The following DLGAP2 variants were observed in gnomAD, a reference collection of about 807,000 sequenced individuals.
DLGAP2 encodes the protein disks large-associated protein 2.
In DLGAP2, 26 loss-of-function variants were observed where a neutral mutation model predicts 100.3. The observed-to-expected ratio is 0.26, with a 90% CI of 0.19 to 0.36. The LOEUF (loss-of-function observed/expected upper bound fraction) is 0.36. Among genes scored for constraint, DLGAP2 ranks in the 10% least tolerant of loss-of-function variants. The pLI, the probability that DLGAP2 is intolerant of heterozygous loss-of-function variation, is 1.00. For missense variants in DLGAP2, 1,858 were observed against 1,453.2 expected (o/e 1.28, Z -4.53); for synonymous variants, 886 against 630.1 (o/e 1.41, Z -6.08).
intron 2 of DLGAP2, among the ~76,000 whole-genome samples, chr8:1,165,861 A>G (rs1797004705): frequency 6.6e-6 from 1 of 152,132 alleles, no homozygotes; most frequent in Non-Finnish European, 1.5e-5. Flanking sequence ...TTTAAGGGAA[A>G]AAAAAAACAT....
intron 12 of DLGAP2, among the ~76,000 whole-genome samples, chr8:1,691,068 T>TC (rs1193008950): frequency 6.6e-6 from 1 of 152,114 alleles, no homozygotes; most frequent in Admixed American, 6.6e-5. Flanking sequence ...TTTAATTGAA[T>TC]CCAATGAGAG....
chr8:1,560,427 T>C (rs1802118898), intron 5 of DLGAP2, among the ~76,000 whole-genome samples: 1 of 152,202 alleles, frequency 6.6e-6, no homozygotes, highest in African/African-American at 2.4e-5. Context: ...CTGGGTAGTA[T>C]CCATCCTGTG....
At chr8:1,623,502 T>C (rs1367152468) in intron 6 of DLGAP2, among the ~76,000 whole-genome samples, 9 of 151,462 alleles carry the variant, frequency 5.9e-5, no homozygotes, top group African/African-American at 1.9e-4. Flanking sequence ...CTGGCACCAG[T>C]GCGTGATGAC....
chr8:1,279,343 C>G (rs1377256292), intron 3 of DLGAP2, among the ~76,000 whole-genome samples: 1 of 152,174 alleles, frequency 6.6e-6, no homozygotes, highest in Admixed American at 6.5e-5. Flanking sequence ...ATGAATGAAG[C>G]TCTGTTTGGC....
Position 1,207,711 on chromosome 8 carries a change from A to G in DLGAP2, c.74-51140A>G, listed in dbSNP as rs577077410. On this transcript the variant is annotated intron_variant, in intron 2 of 14. Transcript: ENST00000637795. Reference sequence around the variant, plus strand: ...AGTGTAGAAGTGTTCCCTGTTTACCACATTCATGCCAACATCTATTTTTTT... The same window carrying G: ...AGTGTAGAAGTGTTCCCTGTTTACCGCATTCATGCCAACATCTATTTTTTT... Among the ~76,000 whole-genome samples, 10 of 152,276 alleles carry G rather than the reference A, an allele frequency of 6.6e-5. No homozygotes were observed. In the South Asian group the frequency reaches 1.7e-3, roughly 25 times the overall value.
intron 2 of DLGAP2, among the ~76,000 whole-genome samples, chr8:1,205,853 C>T (rs7009433): frequency 0.57 from 86,002 of 151,966 alleles, 26,704 homozygotes; most frequent in African/African-American, 0.83. Flanking sequence ...GATATTTTTC[C>T]CTTCAAAAAT....
At chr8:1,164,326 A>AGGGCCCGTCATTTTGCTTTGTGGG (rs1563224499) in intron 2 of DLGAP2, among the ~76,000 whole-genome samples, 1 of 78,128 alleles carries the variant, frequency 1.3e-5, no homozygotes. Context: ...TTGTGGGGAC[A>AGGGCCCGTCATTTTGCTTTGTGGG]GATTTTTCTG....
chr8:1,049,893 T>C (rs537948042), intron 2 of DLGAP2, among the ~76,000 whole-genome samples: 1 of 152,196 alleles, frequency 6.6e-6, no homozygotes, highest in Non-Finnish European at 1.5e-5. Flanking sequence ...TACATATGTG[T>C]ACACACATGT....
At chr8:889,897 A>G (rs762954439) in intron 1 of DLGAP2, among the ~76,000 whole-genome samples, 8 of 152,204 alleles carry the variant, frequency 5.3e-5, no homozygotes, top group Non-Finnish European at 7.3e-5. Flanking sequence ...GTGAGTTTGC[A>G]AGTGGGATCT....
At chr8:1,077,983 T>C (rs1803678271) in intron 2 of DLGAP2, among the ~76,000 whole-genome samples, 2 of 152,186 alleles carry the variant, frequency 1.3e-5, no homozygotes, top group African/African-American at 4.8e-5. Context: ...CGCCATGTCC[T>C]CTGTGGCTGT....
At chr8:1,503,737 T>G (rs1415774484) in intron 4 of DLGAP2, among the ~76,000 whole-genome samples, 1 of 152,156 alleles carries the variant, frequency 6.6e-6, no homozygotes, top group Non-Finnish European at 1.5e-5. Context: ...TCTACAGTCT[T>G]GCCATGGGGT....
chr8:1,259,663 C>T (rs1799305154), intron 3 of DLGAP2: 2 of 152,232 alleles, frequency 1.3e-5, no homozygotes, highest in African/African-American at 4.8e-5. Context: ...AGCTCTGCTT[C>T]CACAGGGAGA....
intron 2 of DLGAP2, among the ~76,000 whole-genome samples, chr8:1,222,660 G>A (rs1321492182): frequency 6.6e-6 from 1 of 152,132 alleles, no homozygotes; most frequent in African/African-American, 2.4e-5. Context: ...GCTGCTGGTG[G>A]GTGCATGCTG....
chr8:1,231,666 C>T (rs753649385), intron 2 of DLGAP2, among the ~76,000 whole-genome samples: 2 of 152,282 alleles, frequency 1.3e-5, no homozygotes, highest in African/African-American at 4.8e-5. Flanking sequence ...AGAATGAAAT[C>T]GTGTTCTTTG....
intron 2 of DLGAP2, among the ~76,000 whole-genome samples, chr8:1,115,118 C>G (rs1333720403): frequency 6.6e-6 from 1 of 152,138 alleles, no homozygotes; most frequent in Non-Finnish European, 1.5e-5. Context: ...ATTATGTGGT[C>G]TGTTTTAGAG....
At chr8:893,321 G>A (rs1342409220) in intron 1 of DLGAP2, among the ~76,000 whole-genome samples, 3 of 152,194 alleles carry the variant, frequency 2.0e-5, no homozygotes, top group Admixed American at 6.5e-5. Flanking sequence ...CAGGCACGGT[G>A]GAAGACCCTG....
chr8:1,446,062 G>A (rs1442944110), intron 3 of DLGAP2, among the ~76,000 whole-genome samples: 1 of 151,874 alleles, frequency 6.6e-6, no homozygotes, highest in African/African-American at 2.4e-5. Context: ...TCTGATGGTA[G>A]TTTCTTTTGC....
At chr8:980,104 T>C (rs949775108) in intron 2 of DLGAP2, among the ~76,000 whole-genome samples, 1 of 152,180 alleles carries the variant, frequency 6.6e-6, no homozygotes, top group African/African-American at 2.4e-5. Context: ...AAGGCCAGAC[T>C]CAGAGCTGGG....
chr8:1,115,388 T>C (rs904273591), intron 2 of DLGAP2, among the ~76,000 whole-genome samples: 14 of 152,378 alleles, frequency 9.2e-5, no homozygotes, highest in East Asian at 5.8e-4. Flanking sequence ...GATGCATATA[T>C]ATTTAGAATA....
Sources: gnomAD v4.1 joint callset for allele counts (sites outside exome capture counted in the v4.1 genomes callset) on GRCh38, gnomAD v4.1.1 for gene constraint, MANE v1.5 for transcripts, NCBI Gene and HGNC (gene_info 2026-07-23, HGNC 2026-07-21) for gene names.